DCC: variants seen among roughly 807,000 people sequenced by gnomAD.
DCC encodes the protein netrin receptor DCC.
In DCC, 58 loss-of-function variants were observed where a neutral mutation model predicts 172.5. That is an observed-to-expected ratio of 0.34 (90% CI 0.27 to 0.42). The LOEUF is 0.42. DCC is among the 10% of genes least tolerant of loss of function. The pLI, the probability that DCC is intolerant of heterozygous loss-of-function variation, is 1.00. For missense variants in DCC, 1,740 were observed against 1,791.0 expected (o/e 0.97, Z 0.51); for synonymous variants, 709 against 644.5 (o/e 1.10, Z -1.52).
chr18:53,192,465 T>TA (rs1320493668), intron 9 of DCC, among the ~76,000 whole-genome samples: 1 of 152,058 alleles, frequency 6.6e-6, no homozygotes, highest in South Asian at 2.1e-4. Context: ...TTTGAGTCCC[T>TA]AAAAAAAGAT....
chr18:52,350,657 A>C (rs950455826), intron 1 of DCC, among the ~76,000 whole-genome samples: 2 of 152,162 alleles, frequency 1.3e-5, no homozygotes, highest in Non-Finnish European at 2.9e-5. Flanking sequence ...CAGAACTTAA[A>C]TATAATTTAA....
At chr18:53,302,492 A>G (rs903603203) in intron 12 of DCC, among the ~76,000 whole-genome samples, 2 of 152,146 alleles carry the variant, frequency 1.3e-5, no homozygotes, top group Non-Finnish European at 2.9e-5. Flanking sequence ...TCATCATATT[A>G]TATCTTTTAT....
chr18:53,052,685 C>A (rs1296163243), intron 5 of DCC, among the ~76,000 whole-genome samples: 1 of 152,096 alleles, frequency 6.6e-6, no homozygotes, highest in Non-Finnish European at 1.5e-5. Flanking sequence ...GGATACCTAG[C>A]TTTGCTGGCT....
chr18:53,476,636 G>T (rs1008042537), intron 25 of DCC, among the ~76,000 whole-genome samples: 5 of 152,098 alleles, frequency 3.3e-5, no homozygotes, highest in African/African-American at 1.2e-4. Flanking sequence ...AAATTGTGCA[G>T]TCTTGGGTAT....
intron 1 of DCC, among the ~76,000 whole-genome samples, chr18:52,735,531 C>A (rs542865362): frequency 1.3e-4 from 20 of 152,168 alleles, no homozygotes; most frequent in Non-Finnish European, 1.9e-4. Context: ...CAGTCTGAGT[C>A]CCAAAACCTC....
chr18:52,622,069 A>G (rs2034490871), intron 1 of DCC, among the ~76,000 whole-genome samples: 1 of 152,236 alleles, frequency 6.6e-6, no homozygotes, highest in Non-Finnish European at 1.5e-5. Context: ...ATCATCGAAC[A>G]TAAAAGAAAG....
intron 5 of DCC, 136 bp from the exon 6 acceptor site, chr18:53,063,169 C>T (rs758141595): frequency 2.4e-5 from 22 of 900,212 alleles, no homozygotes; most frequent in Non-Finnish European, 3.7e-5. Context: ...GTATAATAAG[C>T]TAAGAGCTTA....
At chr18:52,824,967 C>CATATATAT (rs148347043) in intron 2 of DCC, among the ~76,000 whole-genome samples, 204 of 148,362 alleles carry the variant, frequency 1.4e-3, no homozygotes, top group African/African-American at 4.6e-3. Flanking sequence ...GAGACTCCCT[C>CATATATAT]ATATATATAT....
chr18:52,785,322 A>G (rs2037635339), intron 2 of DCC, among the ~76,000 whole-genome samples: 2 of 151,954 alleles, frequency 1.3e-5, no homozygotes, highest in Admixed American at 6.6e-5. Context: ...CTGCAGCTCT[A>G]CTTTATAGGC....
chr18:53,052,369 A>C (rs565988021), intron 5 of DCC, among the ~76,000 whole-genome samples: 1 of 151,874 alleles, frequency 6.6e-6, no homozygotes, highest in East Asian at 1.9e-4. Flanking sequence ...CTTAAATTAA[A>C]TCTCTCTCTT....
At chr18:53,228,729 T>C (rs1161438112) in intron 12 of DCC, among the ~76,000 whole-genome samples, 4 of 152,118 alleles carry the variant, frequency 2.6e-5, no homozygotes, top group Non-Finnish European at 5.9e-5. Context: ...AAGCTGAACC[T>C]TGGAGAAAGG....
At chr18:53,320,019 T>C (rs2057389972) in intron 13 of DCC, among the ~76,000 whole-genome samples, 1 of 152,156 alleles carries the variant, frequency 6.6e-6, no homozygotes, top group Non-Finnish European at 1.5e-5. Context: ...ACATGATTGT[T>C]TATTCATTTT....
In DCC at chr18:52,908,918, G is replaced by A. The variant is rs112480487; in HGVS notation, c.697+2590G>A. Among the ~76,000 whole-genome samples, 5 of 151,964 alleles carry A rather than the reference G, an allele frequency of 3.3e-5. No homozygotes were observed. The East Asian group carries it at 7.7e-4, about 23-fold the overall frequency. ...CATGCACGTGTGTACACATGCATGC[G>A]CACACACACACAGGTTATTGTCATA... On this transcript the variant is annotated intron_variant, in intron 3 of 28. Transcript: ENST00000442544.
At chr18:52,919,506 T>G (rs867156917) in intron 3 of DCC, among the ~76,000 whole-genome samples, 2 of 152,314 alleles carry the variant, frequency 1.3e-5, no homozygotes, top group Middle Eastern at 3.4e-3. Context: ...CATTTTCATA[T>G]GAATGTATGT....
chr18:52,906,272 C>T lies in DCC; in HGVS notation c.641C>T (p.Ala214Val). 1 of 1,614,060 alleles carries T rather than the reference C, an allele frequency of 6.2e-7. No individual in the cohort carries two copies. The highest frequency in any genetic ancestry group is 8.5e-7 in the Non-Finnish European group (1 of 1,180,032). ...GACATTGGAATTTACCGATGCTCAG[C>T]TCGAAATCCAGCCAGCTCAAGAACA... ...PGDIGIYRCS[A>V]RNPASSRTGN... The change falls in exon 3 of 29, where the codon GCT becomes GTT. Residue 214 changes from alanine to valine, a missense_variant. Physicochemically the swap from Ala to Val is moderately conservative, Grantham distance 64. This residue lies in a region of DCC where 1,732 missense variants were observed against 1,767.4 expected (regional missense o/e 0.98). Coordinates refer to ENST00000442544, the MANE Select transcript of DCC (RefSeq NM_005215.4).
At chr18:53,056,151 A>G (rs1257542208) in intron 5 of DCC, among the ~76,000 whole-genome samples, 5 of 152,152 alleles carry the variant, frequency 3.3e-5, no homozygotes, top group Admixed American at 6.6e-5. Context: ...TCAGTTCTGC[A>G]TGGCTGGGGA....
intron 1 of DCC, among the ~76,000 whole-genome samples, chr18:52,576,148 G>T (rs2033405516): frequency 6.6e-6 from 1 of 152,188 alleles, no homozygotes; most frequent in African/African-American, 2.4e-5. Flanking sequence ...GAGGAAAAGA[G>T]AAAAGATACC....
intron 1 of DCC, among the ~76,000 whole-genome samples, chr18:52,742,526 G>A (rs1458671013): frequency 6.6e-6 from 1 of 152,112 alleles, no homozygotes; most frequent in East Asian, 1.9e-4. Flanking sequence ...ATAAATATTA[G>A]GTGGATGAAG....
intron 5 of DCC, among the ~76,000 whole-genome samples, chr18:52,984,097 T>C (rs1288024834): frequency 6.6e-6 from 1 of 152,108 alleles, no homozygotes; most frequent in Non-Finnish European, 1.5e-5. Context: ...GTTTATAATG[T>C]CTCAAATGTC....
Sources: gnomAD v4.1 joint callset for allele counts (sites outside exome capture counted in the v4.1 genomes callset) on GRCh38, gnomAD v4.1.1 for gene constraint, gnomAD v4.1.1 regional missense constraint, MANE v1.5 for transcripts, NCBI Gene and HGNC (gene_info 2026-07-23, HGNC 2026-07-21) for gene names.